CCDC28A: variants seen among roughly 807,000 people sequenced by gnomAD.
CCDC28A encodes the protein coiled-coil domain containing 28A.
In CCDC28A, 24 loss-of-function variants were observed where a neutral mutation model predicts 22.1. The ratio of observed to expected loss-of-function variants is 1.09; its 90% CI spans 0.79 to 1.53. The LOEUF (loss-of-function observed/expected upper bound fraction) is 1.53. CCDC28A is among the 40% of genes most tolerant of loss of function. The pLI is 0.00. For missense variants in CCDC28A, 170 were observed against 210.7 expected, an observed-to-expected ratio of 0.81 and a Z score of 1.20; for synonymous variants, 83 against 74.7, an observed-to-expected ratio of 1.11 and a Z score of -0.57.
intron 3 of CCDC28A, among the ~76,000 whole-genome samples, chr6:138,783,991 C>T (rs765546964): frequency 2.0e-5 from 3 of 151,702 alleles, no homozygotes; most frequent in Non-Finnish European, 2.9e-5. Flanking sequence ...GATCCTCCCA[C>T]CTCAACCTCC....
At chr6:138,788,242 C>T (rs909004866) in intron 4 of CCDC28A, 124 bp from the exon 5 acceptor site, 9 of 404,092 alleles carry the variant, frequency 2.2e-5, no homozygotes, top group African/African-American at 8.4e-5. Flanking sequence ...ATTATAAGCA[C>T]GGGTCACTGT....
intron 3 of CCDC28A, among the ~76,000 whole-genome samples, chr6:138,780,660 C>T (rs1240222010): frequency 1.3e-5 from 2 of 151,092 alleles, no homozygotes; most frequent in Non-Finnish European, 2.9e-5. Flanking sequence ...CTGCAACCTC[C>T]ACCTCTCGGG....
rs748528491 is a variant in CCDC28A at position 138,779,826 on chromosome 6, A to T, written c.163A>T (p.Met55Leu). The T allele has an allele frequency of 3.7e-6, 6 of 1,610,842 alleles. No homozygotes were observed. The South Asian group carries it at 4.4e-5, about 12-fold the overall frequency. Residue 55 changes from methionine to leucine, a missense_variant, in exon 3 of 6, where the codon ATG becomes TTG. By Grantham distance (15) the Met-to-Leu change is conservative. Transcript: ENST00000617445. ...TAAATTTCATCGTCTTTACAGAGTG[A>T]TGAAAGAAAAGACCAAACCTCAGGG... ...TSQRPKLKRV[M>L]KEKTKPQGGE... is the part of the protein sequence containing the mutation.
rs1583520560 is a variant in CCDC28A at position 138,778,759 on chromosome 6, G to C, written c.159-1063G>C. The stretch of plus-strand genomic sequence containing the variant: ...GATTATATTCAGCAGGCAATGCAAA[G>C]CTACTAAAGCTTTTTTTTTTTTTTT... On this transcript the variant is annotated intron_variant, in intron 2 of 5. Transcript: ENST00000617445. 2.6e-5 allele frequency among the ~76,000 whole-genome samples: 4 copies of C among 151,818 alleles called. No homozygotes were observed. In the East Asian group the frequency reaches 7.7e-4, roughly 29 times the overall value.
chr6:138,774,742 T>C (rs1381548609), intron 1 of CCDC28A, among the ~76,000 whole-genome samples: 1 of 152,184 alleles, frequency 6.6e-6, no homozygotes, highest in East Asian at 1.9e-4. Flanking sequence ...GCGACAGCAA[T>C]GGGTTTGAAT....
At chr6:138,783,071 G>A (rs566519138) in intron 3 of CCDC28A, among the ~76,000 whole-genome samples, 3 of 152,058 alleles carry the variant, frequency 2.0e-5, no homozygotes, top group African/African-American at 7.2e-5. Flanking sequence ...GAGGACTCTT[G>A]GTCAATATGT....
intron 5 of CCDC28A, among the ~76,000 whole-genome samples, chr6:138,791,961 C>T (rs7773485): frequency 0.27 from 40,808 of 151,978 alleles, 6,172 homozygotes; most frequent in African/African-American, 0.41. Context: ...TGGATAAATA[C>T]AGGTCAGTGA....
intron 4 of CCDC28A, 43 bp from the exon 5 acceptor site, chr6:138,788,323 A>T: frequency 1.4e-6 from 1 of 711,412 alleles, no homozygotes; most frequent in Non-Finnish European, 2.2e-6. Context: ...ATTTATATTG[A>T]TCTTATAAAA....
At chr6:138,775,107 T>G (rs1285304789) in intron 1 of CCDC28A, among the ~76,000 whole-genome samples, 1 of 152,152 alleles carries the variant, frequency 6.6e-6, no homozygotes, top group Non-Finnish European at 1.5e-5. Flanking sequence ...TCCCGGCTAA[T>G]TTTTTGTATT....
intron 3 of CCDC28A, among the ~76,000 whole-genome samples, chr6:138,780,517 A>G (rs1774999274): frequency 6.6e-6 from 1 of 151,890 alleles, no homozygotes. Flanking sequence ...CAGATTTTTC[A>G]TGTGCAGTCT....
At chr6:138,778,336 A>G (rs1270482634) in intron 2 of CCDC28A, among the ~76,000 whole-genome samples, 1 of 152,166 alleles carries the variant, frequency 6.6e-6, no homozygotes, top group Non-Finnish European at 1.5e-5. Context: ...CATTTTGCCA[A>G]TTTAGCCCCT....
intron 2 of CCDC28A, among the ~76,000 whole-genome samples, chr6:138,777,207 G>C (rs1774947377): frequency 6.6e-6 from 1 of 152,188 alleles, no homozygotes; most frequent in Non-Finnish European, 1.5e-5. Flanking sequence ...GTTGCATTCT[G>C]TAGCCGCTGG....
At chr6:138,783,801 C>G (rs1465375841) in intron 3 of CCDC28A, among the ~76,000 whole-genome samples, 1 of 151,238 alleles carries the variant, frequency 6.6e-6, no homozygotes, top group Non-Finnish European at 1.5e-5. Context: ...CTCCTGGACT[C>G]AAGCAGTTCT....
chr6:138,785,788 A>G (rs59690197), intron 4 of CCDC28A, among the ~76,000 whole-genome samples: 2,442 of 152,284 alleles, frequency 0.016, 74 homozygotes, highest in African/African-American at 0.055. Context: ...CTCAGAATAC[A>G]GATGCTGGCA....
At chr6:138,791,370 C>T (rs943892246) in intron 5 of CCDC28A, among the ~76,000 whole-genome samples, 1 of 152,164 alleles carries the variant, frequency 6.6e-6, no homozygotes, top group African/African-American at 2.4e-5. Context: ...GCGTGAGTCA[C>T]CACGCCCAGC....
In CCDC28A at chr6:138,776,099, G is replaced by A. The variant is rs904157120; in HGVS notation, c.-22G>A. ...TTTAGGTCTTAAGAAGCTGGCCGTG[G>A]TGCAATAAGGAACTTAAAACAATGG... On this transcript the variant is annotated 5_prime_UTR_variant, in exon 2 of 6. It adds an upstream start codon to the 5' untranslated region. Transcript: ENST00000617445. 1.2e-6 allele frequency: 2 copies of A among 1,613,912 alleles called. No homozygotes were observed. Among genetic ancestry groups the A allele is most frequent in the Admixed American group, 3.3e-5 (2 of 60,016 alleles).
chr6:138,774,936 T>TTTTTGTTTTGTTTTGTTTTGTTTTG (rs369968469), intron 1 of CCDC28A, among the ~76,000 whole-genome samples: 3 of 151,864 alleles, frequency 2.0e-5, no homozygotes, highest in Non-Finnish European at 4.4e-5. Flanking sequence ...GGAAGGGGTT[T>TTTTTGTTTTGTTTTGTTTTGTTTTG]TTTTGTTTTG....
At chr6:138,791,385 G>T (rs546785063) in intron 5 of CCDC28A, among the ~76,000 whole-genome samples, 1 of 152,030 alleles carries the variant, frequency 6.6e-6, no homozygotes, top group Non-Finnish European at 1.5e-5. Context: ...CCCAGCCTGC[G>T]TTGTATTTCT....
intron 5 of CCDC28A, among the ~76,000 whole-genome samples, chr6:138,790,112 C>G (rs1382072780): frequency 6.6e-6 from 1 of 152,038 alleles, no homozygotes; most frequent in African/African-American, 2.4e-5. Flanking sequence ...CTTTCTCTGC[C>G]ATGACACTTA....
Sources: allele counts gnomAD v4.1 joint callset (sites outside exome capture counted in the v4.1 genomes callset), GRCh38; gene constraint gnomAD v4.1.1; transcripts MANE v1.5; gene names NCBI Gene and HGNC (gene_info 2026-07-23, HGNC 2026-07-21).